Variants in RANBP17 observed in about 807,000 individuals in gnomAD.
The protein encoded by RANBP17 is RAN binding protein 17.
Under a neutral mutation model 141.2 loss-of-function variants are expected in RANBP17, and 158 were observed. The observed-to-expected ratio is 1.12, with a 90% CI of 0.98 to 1.28. The LOEUF (loss-of-function observed/expected upper bound fraction) is 1.28. RANBP17 is among the 50% of genes most tolerant of loss of function. The pLI, the probability that RANBP17 is intolerant of heterozygous loss-of-function variation, is 0.00. For missense variants in RANBP17, 1,438 were observed against 1,290.7 expected (o/e 1.11, Z -1.75); for synonymous variants, 430 against 450.0 (o/e 0.96, Z 0.56).
Position 170,916,347 on chromosome 5 carries a change from G to T in RANBP17, c.835-118G>T, listed in dbSNP as rs1298696347. On this transcript the variant is annotated intron_variant, in intron 8 of 27. Coordinates refer to ENST00000523189, the MANE Select transcript of RANBP17 (RefSeq NM_022897.5). ...GTTATATTCTATATTGCATTATAAT[G>T]CGTTATATTCTATAATGCATTAAAA... 3.8e-6 allele frequency: 2 copies of T among 524,684 alleles called. 1 individual carries two copies. The highest frequency in any genetic ancestry group is 4.1e-5 in the African/African-American group (2 of 48,922). 32.5% of individuals were successfully genotyped at this position (524,684 alleles called of 1,614,324 possible). A position where few individuals can be genotyped will look rare whatever the true frequency, so the allele number is the denominator to read the frequency against.
chr5:170,968,950 G>A (rs910565569), intron 14 of RANBP17, among the ~76,000 whole-genome samples: 2 of 151,834 alleles, frequency 1.3e-5, no homozygotes, highest in African/African-American at 4.8e-5. Flanking sequence ...AACCTAAGCA[G>A]ATATTTAGTA....
chr5:170,916,490 C>A lies in RANBP17; in HGVS notation c.860C>A (p.Ala287Asp). 2 of 1,568,572 alleles carry A rather than the reference C, an allele frequency of 1.3e-6. No homozygotes were observed. The highest frequency in any genetic ancestry group is 1.2e-5 in the South Asian group (1 of 82,306). The change falls in exon 9 of 28, where the codon GCT (alanine) becomes GAT (aspartate). Residue 287 changes from alanine to aspartate, a missense_variant. Ala to Asp is a moderately radical substitution (Grantham distance 126, BLOSUM62 -2). Transcript: ENST00000523189. The stretch of plus-strand genomic sequence containing the variant: ...GCACTTTCATGTTTAGTTCAGTTTG[C>A]TTCGACAAGAAGGTCCTTATTTAAC... ...QLALSCLVQF[A>D]STRRSLFNSP...
chr5:171,088,812 A>G (rs1785928414), intron 14 of RANBP17, among the ~76,000 whole-genome samples: 1 of 152,122 alleles, frequency 6.6e-6, no homozygotes, highest in Admixed American at 6.5e-5. Flanking sequence ...TTTCAGCTCC[A>G]TCAGCTCCTT....
chr5:171,039,085 A>G (rs747110141), intron 14 of RANBP17, among the ~76,000 whole-genome samples: 16 of 152,064 alleles, frequency 1.1e-4, no homozygotes, highest in Admixed American at 2.0e-4. Context: ...TCTTTTGGTT[A>G]TATACCCAGT....
intron 18 of RANBP17, among the ~76,000 whole-genome samples, chr5:171,199,085 G>GA (rs1413047480): frequency 2.6e-5 from 4 of 151,170 alleles, no homozygotes; most frequent in Admixed American, 6.6e-5. Flanking sequence ...AAAAAAAAGA[G>GA]AAAAAAAAGG....
chr5:170,980,656 G>A (rs1459379122), intron 14 of RANBP17, among the ~76,000 whole-genome samples: 2 of 152,220 alleles, frequency 1.3e-5, no homozygotes, highest in African/African-American at 4.8e-5. Context: ...AAGAATTATA[G>A]TTGGGAACCT....
chr5:170,876,142 C>T (rs1768159114), intron 1 of RANBP17, among the ~76,000 whole-genome samples: 3 of 152,104 alleles, frequency 2.0e-5, no homozygotes, highest in Admixed American at 6.5e-5. Context: ...TCTCTGTCCT[C>T]GAGGGGCACC....
At chr5:171,035,749 T>G (rs1331877364) in intron 14 of RANBP17, among the ~76,000 whole-genome samples, 21 of 150,524 alleles carry the variant, frequency 1.4e-4, no homozygotes, top group East Asian at 3.9e-4. Flanking sequence ...TTTTTTTTTT[T>G]TTTTTTTAAG....
chr5:170,938,984 C>G (rs1244858712), intron 12 of RANBP17, among the ~76,000 whole-genome samples: 3 of 152,092 alleles, frequency 2.0e-5, no homozygotes, highest in African/African-American at 4.8e-5. Context: ...AAACTTTAGT[C>G]AAACTATATA....
chr5:170,933,202 G>C (rs1302213450), intron 12 of RANBP17, among the ~76,000 whole-genome samples: 1 of 152,120 alleles, frequency 6.6e-6, no homozygotes, highest in Non-Finnish European at 1.5e-5. Flanking sequence ...TTTGTGTAGA[G>C]GTGTTTATAG....
intron 9 of RANBP17, 48 bp from the exon 10 acceptor site, chr5:170,918,665 C>A (rs764411352): frequency 2.7e-6 from 4 of 1,497,082 alleles, no homozygotes; most frequent in South Asian, 2.7e-5. Flanking sequence ...ATTTTATTGT[C>A]CATAGGTTGG....
intron 13 of RANBP17, among the ~76,000 whole-genome samples, chr5:170,955,495 GTA>G (rs10552356): frequency 0.67 from 85,261 of 128,066 alleles, 29,192 homozygotes; most frequent in South Asian, 0.9. Context: ...TGCTCAGTGT[GTA>G]TATATATATA....
rs373218594 is a variant in RANBP17, at chr5:171,296,703, A to G, written c.3170+689A>G. Among the ~76,000 whole-genome samples the G allele has an allele frequency of 3.1e-3, 468 of 152,362 alleles. 9 individuals carry two copies. The South Asian group carries it at 0.04, about 13-fold the overall frequency. On this transcript the variant is annotated intron_variant, in intron 27 of 27. Transcript: ENST00000523189. Reference sequence around the variant, plus strand: ...CGAGGTGGGTGGATCACCTGAGGTCAGGAGTTTGAGACCAGCCTGGCCAAC... The same window carrying G: ...CGAGGTGGGTGGATCACCTGAGGTCGGGAGTTTGAGACCAGCCTGGCCAAC...
chr5:171,274,231 G>C (rs1204215418), intron 25 of RANBP17, among the ~76,000 whole-genome samples: 2 of 151,254 alleles, frequency 1.3e-5, no homozygotes, highest in Non-Finnish European at 2.9e-5. Context: ...AAAGTATCTA[G>C]GTAACAACCA....
chr5:170,945,100 C>G (rs1774643432), intron 12 of RANBP17, among the ~76,000 whole-genome samples: 2 of 152,140 alleles, frequency 1.3e-5, no homozygotes, highest in African/African-American at 2.4e-5. Flanking sequence ...TAGATACTTA[C>G]AGCAGATGTT....
chr5:170,950,328 A>G (rs1417451237), intron 12 of RANBP17, among the ~76,000 whole-genome samples: 1 of 152,106 alleles, frequency 6.6e-6, no homozygotes, highest in Admixed American at 6.6e-5. Context: ...AATATTTGCA[A>G]ACTGACCAGG....
intron 22 of RANBP17, among the ~76,000 whole-genome samples, chr5:171,232,165 G>T (rs1296330608): frequency 2.6e-5 from 4 of 152,088 alleles, no homozygotes; most frequent in African/African-American, 9.7e-5. Context: ...GAGGTTAAAA[G>T]TTAATGTTTT....
chr5:171,159,917 CA>C (rs1175963382), intron 14 of RANBP17, among the ~76,000 whole-genome samples: 2,310 of 41,514 alleles, frequency 0.056, 6 homozygotes, highest in African/African-American at 0.11. Flanking sequence ...GACTCCATCT[CA>C]AAAAAAAAAA....
intron 26 of RANBP17, 66 bp from the exon 27 acceptor site, chr5:171,295,820 TC>T: frequency 4.5e-6 from 7 of 1,560,804 alleles, no homozygotes; most frequent in Non-Finnish European, 6.1e-6. Flanking sequence ...GCTCTATCCA[TC>T]CCCTGCCAGC....
Sources: gnomAD v4.1 joint callset for allele counts (sites outside exome capture counted in the v4.1 genomes callset) on GRCh38, gnomAD v4.1.1 for gene constraint, MANE v1.5 for transcripts, NCBI Gene and HGNC (gene_info 2026-07-23, HGNC 2026-07-21) for gene names.